Variants in PRDM16 observed in about 807,000 individuals in gnomAD.
The protein encoded by PRDM16 is histone-lysine N-methyltransferase PRDM16.
A neutral mutation model predicts 110.6 loss-of-function variants in PRDM16; 23 were observed. The observed-to-expected ratio is 0.21, with a 90% confidence interval of 0.15 to 0.29. PRDM16 has a LOEUF of 0.29. PRDM16 is among the 10% of genes least tolerant of loss of function. The pLI is 1.00. For missense variants in PRDM16, 1,615 were observed against 1,794.3 expected (o/e 0.90, Z 1.81); for synonymous variants, 799 against 781.8 (o/e 1.02, Z -0.37).
intron 1 of PRDM16, among the ~76,000 whole-genome samples, chr1:3,181,920 A>G (rs1190140138): frequency 9.4e-6 from 1 of 106,124 alleles, no homozygotes; most frequent in Admixed American, 1.0e-4. Flanking sequence ...ACGCAGTCTT[A>G]CACATGGTCT....
chr1:3,305,579 G>A (rs1244376003), intron 3 of PRDM16, among the ~76,000 whole-genome samples: 2 of 151,352 alleles, frequency 1.3e-5, no homozygotes, highest in Admixed American at 1.3e-4. Flanking sequence ...TATTCGAATG[G>A]AAGTTGATCA....
At position 3,265,407 on chromosome 1, in the gene PRDM16, G is replaced by A. The variant is rs1470939270; in HGVS notation, c.438+21270G>A. Among the ~76,000 whole-genome samples the A allele has an allele frequency of 6.6e-6, 1 of 152,014 alleles. No individual in the cohort carries two copies. Among genetic ancestry groups the A allele is most frequent in the East Asian group, 1.9e-4 (1 of 5,170 alleles). ...ACGGGCCTGAGACTGATGATGTGAA[G>A]GGCCTAGTAGGGGCTGAGGTCCTGT... On this transcript the variant is annotated intron_variant, in intron 3 of 16. Coordinates refer to ENST00000270722, the MANE Select transcript of PRDM16 (RefSeq NM_022114.4). The surrounding 1 kb of genome is among the most constrained non-coding windows in gnomAD (Gnocchi z 4.5).
chr1:3,082,144 T>C (rs977391683), intron 1 of PRDM16, among the ~76,000 whole-genome samples: 3 of 152,126 alleles, frequency 2.0e-5, no homozygotes, highest in Admixed American at 6.5e-5. Flanking sequence ...CCACGGGAAC[T>C]TGATGGGCAG....
At position 3,201,850 on chromosome 1, in the gene PRDM16, G is replaced by A. The variant is rs1463320034; in HGVS notation, c.387+15376G>A. ...CACTTCTGTGTCCACTGCAGAGCCT[G>A]CGGCTTCCCAGATCCCACATGAGCT... On this transcript the variant is annotated intron_variant, in intron 2 of 16. Coordinates refer to ENST00000270722, the MANE Select transcript of PRDM16 (RefSeq NM_022114.4). The surrounding 1 kb of genome is among the most constrained non-coding windows in gnomAD (Gnocchi z 4.1). Among the ~76,000 whole-genome samples the A allele has an allele frequency of 6.6e-6, 1 of 152,234 alleles. No homozygotes were observed. The highest frequency in any genetic ancestry group is 1.5e-5 in the Non-Finnish European group (1 of 68,040).
intron 4 of PRDM16, among the ~76,000 whole-genome samples, chr1:3,388,056 C>T (rs769385497): frequency 6.6e-6 from 1 of 152,198 alleles, no homozygotes; most frequent in Non-Finnish European, 1.5e-5. Flanking sequence ...TGACCCTATG[C>T]GGAGCTAAAA....
chr1:3,224,032 G>A (rs1639231414), intron 2 of PRDM16, among the ~76,000 whole-genome samples: 1 of 152,302 alleles, frequency 6.6e-6, no homozygotes, highest in East Asian at 1.9e-4. Flanking sequence ...TTCTCTTCCA[G>A]GGAAGCTATT....
At chr1:3,161,651 C>T (rs950405222) in intron 1 of PRDM16, among the ~76,000 whole-genome samples, 13 of 152,230 alleles carry the variant, frequency 8.5e-5, no homozygotes, top group Non-Finnish European at 1.3e-4. Flanking sequence ...CCGCCCGGCG[C>T]GGAGAGGCCG....
At chr1:3,187,335 C>T (rs1399960464) in intron 2 of PRDM16, among the ~76,000 whole-genome samples, 2 of 152,204 alleles carry the variant, frequency 1.3e-5, no homozygotes, top group Admixed American at 6.5e-5. Flanking sequence ...GAACACCAGT[C>T]GGATTCCCCC....
At chr1:3,426,564 T>C (rs72851346) in intron 14 of PRDM16, among the ~76,000 whole-genome samples, 4,967 of 152,262 alleles carry the variant, frequency 0.033, 271 homozygotes, top group African/African-American at 0.11. Flanking sequence ...TTTGATTTAA[T>C]CTGAGGCACT....
chr1:3,073,682 G>C (rs1321983809), intron 1 of PRDM16, among the ~76,000 whole-genome samples: 2 of 152,098 alleles, frequency 1.3e-5, no homozygotes, highest in East Asian at 3.9e-4. Context: ...GGGGGACCCC[G>C]GGCCGGCCGG....
intron 12 of PRDM16, among the ~76,000 whole-genome samples, chr1:3,420,540 T>G (rs914215929): frequency 1.3e-5 from 2 of 152,212 alleles, no homozygotes; most frequent in African/African-American, 4.8e-5. Flanking sequence ...TCAAACCAGA[T>G]GACATTGGAA....
At chr1:3,334,661 C>T (rs552333158) in intron 3 of PRDM16, among the ~76,000 whole-genome samples, 19 of 152,346 alleles carry the variant, frequency 1.2e-4, no homozygotes, top group African/African-American at 3.4e-4. Context: ...CTAGAGACCA[C>T]GGGGCTCTGC....
rs992629750 is a variant in PRDM16 at position 3,243,121 on chromosome 1, G to A, written c.388-966G>A. Reference sequence around the variant, plus strand: ...GGGAGGAAGAACGAGCCGACTGCTGGCCCACTCCAGCCTCCCTGTCTCGGC... The same window carrying A: ...GGGAGGAAGAACGAGCCGACTGCTGACCCACTCCAGCCTCCCTGTCTCGGC... On this transcript the variant is annotated intron_variant, in intron 2 of 16. Coordinates refer to ENST00000270722, the MANE Select transcript of PRDM16 (RefSeq NM_022114.4). The surrounding 1 kb of genome is among the most constrained non-coding windows in gnomAD (Gnocchi z 5.5). Among the ~76,000 whole-genome samples, 3 of 152,176 alleles carry A rather than the reference G, an allele frequency of 2.0e-5. No individual in the cohort carries two copies. The highest frequency in any genetic ancestry group is 4.4e-5 in the Non-Finnish European group (3 of 68,026).
At chr1:3,345,776 GCC>G (rs147919928) in intron 3 of PRDM16, among the ~76,000 whole-genome samples, 10 of 75,018 alleles carry the variant, frequency 1.3e-4, no homozygotes, top group South Asian at 5.0e-4. Flanking sequence ...CTCCCGTGCT[GCC>G]CCCTCTGTGG....
intron 3 of PRDM16, among the ~76,000 whole-genome samples, chr1:3,326,797 C>T (rs1641922813): frequency 1.3e-5 from 2 of 152,230 alleles, no homozygotes; most frequent in African/African-American, 4.8e-5. Context: ...GCCGCGTGGC[C>T]TGACAGCAGG....
chr1:3,328,840 A>G (rs1369541938), intron 3 of PRDM16, among the ~76,000 whole-genome samples: 7 of 151,988 alleles, frequency 4.6e-5, no homozygotes, highest in Non-Finnish European at 8.8e-5. Context: ...TCCATTTCCT[A>G]CGTAAAAGGT....
At chr1:3,254,049 T>C (rs981014469) in intron 3 of PRDM16, among the ~76,000 whole-genome samples, 17 of 152,220 alleles carry the variant, frequency 1.1e-4, no homozygotes, top group Admixed American at 1.3e-4. Context: ...CACTTTTTGA[T>C]GGGGTTGTTT....
chr1:3,411,035 G>C (rs1643676121), intron 8 of PRDM16, among the ~76,000 whole-genome samples: 1 of 149,056 alleles, frequency 6.7e-6, no homozygotes, highest in African/African-American at 2.5e-5. Context: ...GGCCAGTCTT[G>C]GGTGGGGCGC....
rs141601129 is a variant in PRDM16, at chr1:3,081,252, C to T, written c.37+11956C>T. 7.7e-4 allele frequency among the ~76,000 whole-genome samples: 117 copies of T among 152,326 alleles called. 1 individual carries two copies. In the Middle Eastern group the frequency reaches 0.034, roughly 44 times the overall value. The stretch of plus-strand genomic sequence containing the variant: ...CGGGACTTGGGTTCGAGGCCCCTCG[C>T]GGCTGTACCCCGAGTCCCCCGTGCT... On this transcript the variant is annotated intron_variant, in intron 1 of 16. Transcript: ENST00000270722. The surrounding 1 kb of genome is among the most constrained non-coding windows in gnomAD (Gnocchi z 4.6).
Sources: allele counts gnomAD v4.1 joint callset (sites outside exome capture counted in the v4.1 genomes callset), GRCh38; gene constraint gnomAD v4.1.1; non-coding constraint Gnocchi (gnomAD v3.1); transcripts MANE v1.5; gene names NCBI Gene and HGNC (gene_info 2026-07-23, HGNC 2026-07-21).